COL13A1: variants seen among roughly 807,000 people sequenced by gnomAD.
COL13A1 encodes collagen alpha-1(XIII) chain.
A neutral mutation model predicts 130.9 loss-of-function variants in COL13A1; 89 were observed. That is an observed-to-expected ratio of 0.68 (90% confidence interval 0.57 to 0.81). The LOEUF (loss-of-function observed/expected upper bound fraction) is 0.81. Ranked by LOEUF, COL13A1 falls within the 30% of genes least tolerant of loss-of-function variation. The pLI, the probability that COL13A1 is intolerant of heterozygous loss-of-function variation, is 0.00. For synonymous variants in COL13A1, 402 were observed against 341.6 expected, an observed-to-expected ratio of 1.18 and a Z score of -1.95; for missense variants, 879 against 934.6, an observed-to-expected ratio of 0.94 and a Z score of 0.78.
At chr10:69,935,506 T>G in intron 32 of COL13A1, 115 bp downstream of exon 32, 1 of 785,094 alleles carries the variant, frequency 1.3e-6, no homozygotes, top group Non-Finnish European at 2.0e-6. Context: ...GGAGGGATTT[T>G]CTGGTCTACA....
chr10:69,932,136 G>C (rs2066203015), intron 30 of COL13A1, among the ~76,000 whole-genome samples: 1 of 151,992 alleles, frequency 6.6e-6, no homozygotes, highest in Non-Finnish European at 1.5e-5. Context: ...CTAGTGTCTA[G>C]TGCTAGCAAG....
At chr10:69,905,734 C>A (rs2062683301) in intron 16 of COL13A1, 53 bp from the exon 17 acceptor site, 2 of 1,597,102 alleles carry the variant, frequency 1.3e-6, no homozygotes, top group South Asian at 1.1e-5. Context: ...CAGCACAAGT[C>A]AAAGTTTGGC....
intron 5 of COL13A1, 109 bp downstream of exon 5, chr10:69,875,272 G>T (rs2059466909): frequency 2.2e-6 from 3 of 1,362,704 alleles, no homozygotes; most frequent in Non-Finnish European, 1.0e-6. Context: ...CAAGGAGGGG[G>T]TCAGCACTTT....
At chr10:69,907,846 G>A (rs910508104) in intron 17 of COL13A1, among the ~76,000 whole-genome samples, 3 of 152,098 alleles carry the variant, frequency 2.0e-5, no homozygotes, top group South Asian at 4.1e-4. Context: ...TCCCACTCCC[G>A]CGACAGCAAC....
chr10:69,805,960 G>C (rs1029162427), intron 1 of COL13A1, among the ~76,000 whole-genome samples: 2 of 152,232 alleles, frequency 1.3e-5, no homozygotes, highest in African/African-American at 4.8e-5. Flanking sequence ...GAGTTTGGAG[G>C]CCAAGACCAG....
chr10:69,803,797 A>C, intron 1 of COL13A1, among the ~76,000 whole-genome samples: 1 of 151,858 alleles, frequency 6.6e-6, no homozygotes, highest in South Asian at 2.1e-4. Context: ...AAACGCTCCA[A>C]CCCCTCTGAA....
chr10:69,888,078 G>A (rs967709981), intron 8 of COL13A1, among the ~76,000 whole-genome samples: 8 of 152,178 alleles, frequency 5.3e-5, no homozygotes, highest in Non-Finnish European at 8.8e-5. Context: ...TCTCTCTTGC[G>A]CTGTGCACCT....
intron 35 of COL13A1, 53 bp from the exon 36 acceptor site, chr10:69,944,071 CA>C: frequency 6.6e-7 from 1 of 1,510,224 alleles, no homozygotes; most frequent in South Asian, 1.1e-5. Context: ...GTGGGGCACC[CA>C]GGGCTCCCCA....
intron 2 of COL13A1, among the ~76,000 whole-genome samples, chr10:69,829,017 T>C (rs1000162682): frequency 6.6e-6 from 1 of 152,122 alleles, no homozygotes; most frequent in African/African-American, 2.4e-5. Context: ...GCAGCTTCCT[T>C]GCCATCTCCG....
intron 2 of COL13A1, among the ~76,000 whole-genome samples, chr10:69,844,704 G>C (rs948084487): frequency 6.6e-6 from 1 of 152,208 alleles, no homozygotes; most frequent in Non-Finnish European, 1.5e-5. Flanking sequence ...TGAAGTGTTT[G>C]AGTAGGACTT....
At position 69,895,584 on chromosome 10, in the gene COL13A1, A is replaced by T; in HGVS notation, c.684+8A>T. ...GGAGAGTACCCACACCGGGTAAGTG[A>T]ACCCCTAAAATTTAGCAGGGCACTT... On this transcript the variant is annotated splice_region_variant and intron_variant, in intron 13 of 40. Coordinates refer to ENST00000645393, the MANE Select transcript of COL13A1 (RefSeq NM_001368882.1). 1.2e-6 allele frequency: 2 copies of T among 1,613,804 alleles called. No homozygotes were observed. The highest frequency in any genetic ancestry group is 1.1e-5 in the South Asian group (1 of 91,068).
At chr10:69,827,734 A>T (rs1420291772) in intron 2 of COL13A1, among the ~76,000 whole-genome samples, 1 of 152,104 alleles carries the variant, frequency 6.6e-6, no homozygotes, top group Non-Finnish European at 1.5e-5. Flanking sequence ...ATGAGAGCTG[A>T]TGCCCACACA....
intron 10 of COL13A1, among the ~76,000 whole-genome samples, chr10:69,891,035 T>A (rs2061119311): frequency 6.6e-6 from 1 of 152,194 alleles, no homozygotes; most frequent in Non-Finnish European, 1.5e-5. Context: ...CCACCTTCCT[T>A]CTTTTAATGC....
chr10:69,956,682 G>T, intron 39 of COL13A1: 1 of 276,638 alleles, frequency 3.6e-6, no homozygotes, highest in East Asian at 6.3e-5. Context: ...GTGAGCAGCC[G>T]GCACTCCATA....
At chr10:69,905,721 G>T in intron 16 of COL13A1, 66 bp from the exon 17 acceptor site, 1 of 1,562,746 alleles carries the variant, frequency 6.4e-7, no homozygotes, top group Admixed American at 1.8e-5. Context: ...ATTGTGTGGG[G>T]AACAGCACAA....
chr10:69,824,453 G>A (rs2132685884), intron 2 of COL13A1, among the ~76,000 whole-genome samples: 1 of 152,292 alleles, frequency 6.6e-6, no homozygotes, highest in Non-Finnish European at 1.5e-5. Flanking sequence ...TCAATATTGT[G>A]CCTCAGAAAG....
At chr10:69,892,888 C>T (rs1029818826) in intron 10 of COL13A1, among the ~76,000 whole-genome samples, 1 of 152,178 alleles carries the variant, frequency 6.6e-6, no homozygotes, top group Non-Finnish European at 1.5e-5. Flanking sequence ...CCTGGGCCAC[C>T]GTTTGGGATG....
chr10:69,949,940 G>GTGTGTGTGTT (rs1565160919), intron 38 of COL13A1, among the ~76,000 whole-genome samples: 11 of 143,992 alleles, frequency 7.6e-5, no homozygotes, highest in Admixed American at 3.6e-4. Flanking sequence ...TTGTGTGTGT[G>GTGTGTGTGTT]TGTGTGTGCG....
intron 39 of COL13A1, 51 bp from the exon 40 acceptor site, chr10:69,956,953 G>A: frequency 6.6e-7 from 1 of 1,524,264 alleles, no homozygotes; most frequent in South Asian, 1.1e-5. Flanking sequence ...CTGCCCACTT[G>A]GTGGACCATT....
Sources: allele counts gnomAD v4.1 joint callset (sites outside exome capture counted in the v4.1 genomes callset), GRCh38; gene constraint gnomAD v4.1.1; transcripts MANE v1.5; gene names NCBI Gene and HGNC (gene_info 2026-07-23, HGNC 2026-07-21).